The following DOCK10 variants were observed in gnomAD, a reference collection of about 807,000 sequenced individuals.
DOCK10 encodes the protein dedicator of cytokinesis 10.
A neutral mutation model predicts 280.1 loss-of-function variants in DOCK10; 145 were observed. The observed-to-expected ratio is 0.52, with a 90% CI of 0.45 to 0.59. DOCK10 has a LOEUF of 0.59. Among genes scored for constraint, DOCK10 ranks in the 20% least tolerant of loss-of-function variants. The pLI, the probability that DOCK10 is intolerant of heterozygous loss-of-function variation, is 0.00. For missense variants in DOCK10, 2,368 were observed against 2,651.7 expected, an observed-to-expected ratio of 0.89 and a Z score of 2.35; for synonymous variants, 915 against 942.2, an observed-to-expected ratio of 0.97 and a Z score of 0.53.
At chr2:225,018,048 C>T (rs769745314) in intron 1 of DOCK10, among the ~76,000 whole-genome samples, 14 of 152,168 alleles carry the variant, frequency 9.2e-5, no homozygotes, top group Non-Finnish European at 2.1e-4. Flanking sequence ...TGTCCCACAA[C>T]TCCTGCTTGA....
chr2:224,780,656 C>G (rs552815641), intron 50 of DOCK10, among the ~76,000 whole-genome samples: 1 of 152,122 alleles, frequency 6.6e-6, no homozygotes, highest in South Asian at 2.1e-4. Context: ...AATCCCAGCA[C>G]TTTGGGAGTC....
In DOCK10 at chr2:224,974,594, A is replaced by G. The variant is rs957026159; in HGVS notation, c.124-42926T>C. Among the ~76,000 whole-genome samples the G allele has an allele frequency of 6.6e-5, 10 of 151,684 alleles. No homozygotes were observed. In the East Asian group the frequency reaches 1.2e-3, roughly 18 times the overall value. ...TAGAAGGCAAAGAAACAAAACCCCA[A>G]ACAAGCATACCAGTTTTTTTCTATA... is the stretch of plus-strand genomic sequence containing the variant. On this transcript the variant is annotated intron_variant, in intron 1 of 55. Coordinates refer to ENST00000258390, the MANE Select transcript of DOCK10 (RefSeq NM_014689.3).
At chr2:225,027,992 C>T (rs754088964) in intron 1 of DOCK10, among the ~76,000 whole-genome samples, 1 of 152,158 alleles carries the variant, frequency 6.6e-6, no homozygotes, top group Non-Finnish European at 1.5e-5. Flanking sequence ...AAAGCAGTGC[C>T]TCGGGAAGAG....
chr2:225,034,917 C>T (rs139355479), intron 1 of DOCK10, among the ~76,000 whole-genome samples: 268 of 152,234 alleles, frequency 1.8e-3, no homozygotes, highest in African/African-American at 6.2e-3. Flanking sequence ...AGGGTATGAA[C>T]TCTCACCCTC....
chr2:224,784,925 T>C (rs79559075), intron 50 of DOCK10, among the ~76,000 whole-genome samples: 1,633 of 152,330 alleles, frequency 0.011, 22 homozygotes, highest in African/African-American at 0.037. Flanking sequence ...TACTTTTTCA[T>C]TGGAAGGAAT....
intron 4 of DOCK10, among the ~76,000 whole-genome samples, chr2:224,888,267 T>G (rs1699429155): frequency 6.7e-6 from 1 of 149,908 alleles, no homozygotes; most frequent in Admixed American, 6.6e-5. Flanking sequence ...AGCATTCTCT[T>G]ATCTATTCCT....
chr2:225,013,300 GC>G (rs1283148696), intron 1 of DOCK10, among the ~76,000 whole-genome samples: 2 of 152,138 alleles, frequency 1.3e-5, no homozygotes, highest in East Asian at 3.9e-4. Flanking sequence ...TGGATGACAA[GC>G]ATCATCAAAA....
intron 24 of DOCK10, among the ~76,000 whole-genome samples, chr2:224,838,570 T>C (rs1474261996): frequency 1.3e-5 from 2 of 152,156 alleles, no homozygotes; most frequent in Non-Finnish European, 2.9e-5. Context: ...AACTGGATGG[T>C]TGTGAAGCCA....
chr2:224,829,543 G>C (rs549295054), intron 27 of DOCK10, among the ~76,000 whole-genome samples: 138 of 152,294 alleles, frequency 9.1e-4, no homozygotes, highest in African/African-American at 3.3e-3. Context: ...GTCTTCCCTT[G>C]GCCTTACCCA....
chr2:225,036,499 T>C (rs1347546779), intron 1 of DOCK10, among the ~76,000 whole-genome samples: 2 of 152,170 alleles, frequency 1.3e-5, no homozygotes, highest in Non-Finnish European at 2.9e-5. Context: ...TTTCTCAAAT[T>C]TTAGTGTCCT....
At chr2:225,039,686 T>TTCTCTCTC (rs5839087) in intron 1 of DOCK10, among the ~76,000 whole-genome samples, 2 of 150,082 alleles carry the variant, frequency 1.3e-5, no homozygotes, top group African/African-American at 4.9e-5. Flanking sequence ...GCTTCCTGTC[T>TTCTCTCTC]TCTCTCTCTC....
rs58223345 is a variant in DOCK10 at position 224,917,101 on chromosome 2, C to CTTTTTTTTTTTTTTTT, written c.244-333_244-318dup. On this transcript the variant is annotated intron_variant, in intron 2 of 55. Transcript: ENST00000258390. ...CAATTTAGCTGATTTCTATTGGAAT[C>CTTTTTTTTTTTTTTTT]TTTTTTTTTTTTTTTTTTTTTTGAG... Among the ~76,000 whole-genome samples the CTTTTTTTTTTTTTTTT allele has an allele frequency of 6.9e-4, 66 of 95,768 alleles. 10 individuals carry two copies. The highest frequency in any genetic ancestry group is 8.8e-4 in the Non-Finnish European group (46 of 52,244). 62.8% of individuals were successfully genotyped at this position (95,768 alleles called of 152,430 possible). A position where few individuals can be genotyped will look rare whatever the true frequency, so the allele number is the denominator to read the frequency against.
rs1693233695 is a variant in DOCK10 at position 224,804,355 on chromosome 2, T to C, written c.4167-142A>G. On this transcript the variant is annotated intron_variant, in intron 38 of 55. Coordinates refer to ENST00000258390, the MANE Select transcript of DOCK10 (RefSeq NM_014689.3). The stretch of plus-strand genomic sequence containing the variant: ...AATCAAAAATAAAACCCTGTTTTCT[T>C]TCGGAAATCAGAAATTGGGATTTAG... 1.4e-5 allele frequency: 8 copies of C among 554,106 alleles called. No homozygotes were observed. The South Asian group carries it at 1.6e-4, about 11-fold the overall frequency. 34.3% of individuals were successfully genotyped at this position (554,106 alleles called of 1,614,324 possible).
intron 30 of DOCK10, among the ~76,000 whole-genome samples, chr2:224,816,373 T>G (rs1694138617): frequency 6.6e-6 from 1 of 151,978 alleles, no homozygotes. Context: ...TTGTTGGCCT[T>G]CTCTTTAATA....
chr2:224,861,278 A>G (rs1430680238), intron 14 of DOCK10: 1 of 152,228 alleles, frequency 6.6e-6, no homozygotes, highest in Non-Finnish European at 1.5e-5. Flanking sequence ...TTTTACGCCA[A>G]ATGCTTGTGC....
intron 33 of DOCK10, chr2:224,807,334 G>A (rs1166789439): frequency 5.0e-6 from 1 of 201,674 alleles, no homozygotes; most frequent in Admixed American, 5.2e-5. Context: ...GACACCAGGG[G>A]GGGATGTAGG....
At chr2:224,853,208 C>T in intron 16 of DOCK10, 86 bp from the exon 17 acceptor site, 1 of 1,218,058 alleles carries the variant, frequency 8.2e-7, no homozygotes, top group Non-Finnish European at 1.1e-6. Context: ...AATGAACCCA[C>T]TCAAGATAGA....
chr2:225,005,583 G>T (rs959950531), intron 1 of DOCK10, among the ~76,000 whole-genome samples: 18 of 152,040 alleles, frequency 1.2e-4, no homozygotes, highest in African/African-American at 4.3e-4. Context: ...ACGTAAACAG[G>T]ACAACAGTAT....
intron 7 of DOCK10, among the ~76,000 whole-genome samples, chr2:224,881,904 T>C (rs1366413867): frequency 6.6e-6 from 1 of 152,230 alleles, no homozygotes; most frequent in Non-Finnish European, 1.5e-5. Flanking sequence ...AAGCTGCATC[T>C]GTTTCTCACA....
Sources: gnomAD v4.1 joint callset for allele counts (sites outside exome capture counted in the v4.1 genomes callset) on GRCh38, gnomAD v4.1.1 for gene constraint, MANE v1.5 for transcripts, NCBI Gene and HGNC (gene_info 2026-07-23, HGNC 2026-07-21) for gene names.